The following LIMCH1 variants were observed in gnomAD, a reference collection of about 807,000 sequenced individuals.
LIMCH1 encodes LIM and calponin homology domains 1, also known as LIM and calponin homology domains-containing protein 1.
Under a neutral mutation model 176.5 loss-of-function variants are expected in LIMCH1, and 113 were observed. That is an observed-to-expected ratio of 0.64 (90% CI 0.55 to 0.75). LIMCH1 has a LOEUF of 0.75. Among genes scored for constraint, LIMCH1 ranks in the 30% least tolerant of loss-of-function variants. The pLI, the probability that LIMCH1 is intolerant of heterozygous loss-of-function variation, is 0.00. For synonymous variants in LIMCH1, 619 were observed against 645.9 expected (o/e 0.96, Z 0.63); for missense variants, 1,674 against 1,814.9 (o/e 0.92, Z 1.41).
rs544167930 is a variant in LIMCH1 at position 41,489,502 on chromosome 4, A to G, written c.97-5034A>G. ...GATATTGTCATATTCTTTCACTACAAAATACATTGTAATTTCTTTTTGATT... is the reference window on the plus strand; with the variant it reads ...GATATTGTCATATTCTTTCACTACAGAATACATTGTAATTTCTTTTTGATT... On this transcript the variant is annotated intron_variant, in intron 1 of 26. Coordinates refer to the LIMCH1 transcript ENST00000313860. Among the ~76,000 whole-genome samples, 8 of 152,220 alleles carry G rather than the reference A, an allele frequency of 5.3e-5. No individual in the cohort carries two copies. In the South Asian group the frequency reaches 1.7e-3, roughly 32 times the overall value.
chr4:41,486,876 G>C (rs1217210807), intron 1 of LIMCH1, among the ~76,000 whole-genome samples: 1 of 151,182 alleles, frequency 6.6e-6, no homozygotes, highest in Non-Finnish European at 1.5e-5. Context: ...CTGCCTCCTG[G>C]GTTCAAGTGA....
intron 15 of LIMCH1, among the ~76,000 whole-genome samples, chr4:41,645,638 G>C (rs2094022545): frequency 6.6e-6 from 1 of 152,126 alleles, no homozygotes; most frequent in African/African-American, 2.4e-5. Context: ...TTGTTGTAAG[G>C]ATCAGATGAA....
intron 1 of LIMCH1, among the ~76,000 whole-genome samples, chr4:41,390,120 G>A (rs892400200): frequency 3.3e-5 from 5 of 152,002 alleles, no homozygotes; most frequent in African/African-American, 9.7e-5. Flanking sequence ...CAAGTTCTAG[G>A]TGTCCCTTCC....
intron 21 of LIMCH1, 50 bp downstream of exon 21, chr4:41,666,716 T>C: frequency 1.7e-6 from 2 of 1,163,712 alleles, no homozygotes; most frequent in Non-Finnish European, 1.3e-6. Context: ...GGCCCATCTG[T>C]AGTAAACTAT....
At chr4:41,375,040 T>C (rs1044741285) in intron 1 of LIMCH1, among the ~76,000 whole-genome samples, 1 of 152,178 alleles carries the variant, frequency 6.6e-6, no homozygotes, top group African/African-American at 2.4e-5. Context: ...GTGAATTCCC[T>C]AGAGGAAAAT....
chr4:41,497,055 C>A (rs2072283061), intron 2 of LIMCH1, among the ~76,000 whole-genome samples: 1 of 152,196 alleles, frequency 6.6e-6, no homozygotes, highest in African/African-American at 2.4e-5. Context: ...TAGAATTGGG[C>A]TTTTTATAGT....
intron 2 of LIMCH1, among the ~76,000 whole-genome samples, chr4:41,511,474 T>C (rs2074918919): frequency 3.9e-5 from 6 of 152,222 alleles, no homozygotes; most frequent in Admixed American, 3.3e-4. Flanking sequence ...CCCTCATTTC[T>C]TGTTTGAAGG....
In LIMCH1 at chr4:41,612,950, C is replaced by G; in HGVS notation, c.10-516C>G. 3.9e-6 allele frequency: 6 copies of G among 1,532,106 alleles called. No individual in the cohort carries two copies. In the South Asian group the frequency reaches 7.4e-5, roughly 19 times the overall value. 94.9% of individuals were successfully genotyped at this position (1,532,106 alleles called of 1,614,324 possible). ...TAGCAGGAGATGAACGCGTGCTGCT[C>G]CAGGATTTTACAGAACTGATTCTGC... On this transcript the variant is annotated intron_variant, in intron 4 of 31. Coordinates refer to ENST00000503057, the MANE Select transcript of LIMCH1 (RefSeq NM_001330672.2).
intron 1 of LIMCH1, among the ~76,000 whole-genome samples, chr4:41,424,189 C>G (rs562379193): frequency 6.6e-6 from 1 of 152,314 alleles, no homozygotes; most frequent in South Asian, 2.1e-4. Flanking sequence ...CTCTCTTTCT[C>G]TCCCTGTGAA....
chr4:41,501,472 CA>C (rs1400206575), intron 2 of LIMCH1, among the ~76,000 whole-genome samples: 3 of 152,188 alleles, frequency 2.0e-5, no homozygotes, highest in Non-Finnish European at 4.4e-5. Flanking sequence ...ATGCTGAAAT[CA>C]AGAATTGATA....
intron 4 of LIMCH1, among the ~76,000 whole-genome samples, chr4:41,606,835 G>A (rs894214730): frequency 1.3e-5 from 2 of 152,122 alleles, no homozygotes; most frequent in African/African-American, 4.8e-5. Flanking sequence ...TTCTTGCTGT[G>A]TCGCCCAGGC....
In LIMCH1 at chr4:41,524,531, G is replaced by C. The variant is rs2076431640; in HGVS notation, c.237+53G>C. On this transcript the variant is annotated intron_variant, in intron 3 of 26. Transcript: ENST00000313860. ...TCCAATATTCCTTTGCTCTAACCTAGGGGTCATGACAGCACCATTTATTAC... is the reference window on the plus strand; with the variant it reads ...TCCAATATTCCTTTGCTCTAACCTACGGGTCATGACAGCACCATTTATTAC... The C allele has an allele frequency of 3.0e-6, 4 of 1,346,184 alleles. No homozygotes were observed. The East Asian group carries it at 9.2e-5, about 31-fold the overall frequency. The allele number at this position is 1,346,184 out of a possible 1,614,324, so 83.4% of individuals were successfully genotyped here.
chr4:41,622,534 AAGCTAATTC>A (rs1187827477), intron 7 of LIMCH1, among the ~76,000 whole-genome samples: 1 of 152,212 alleles, frequency 6.6e-6, no homozygotes, highest in Non-Finnish European at 1.5e-5. Context: ...GAGCGGCATT[AAGCTAATTC>A]AGCACACTCA....
At chr4:41,519,245 A>G (rs1450363699) in intron 2 of LIMCH1, among the ~76,000 whole-genome samples, 2 of 152,190 alleles carry the variant, frequency 1.3e-5, no homozygotes, top group Non-Finnish European at 2.9e-5. Context: ...ATACCCCACG[A>G]GGAGGAGACC....
At chr4:41,548,597 AT>A (rs1426441593) in intron 1 of LIMCH1, among the ~76,000 whole-genome samples, 1 of 152,160 alleles carries the variant, frequency 6.6e-6, no homozygotes, top group Admixed American at 6.5e-5. Flanking sequence ...CTATGATTAT[AT>A]TTTTAATTTA....
At chr4:41,673,699 A>C (rs141041799) in intron 22 of LIMCH1, among the ~76,000 whole-genome samples, 1 of 152,264 alleles carries the variant, frequency 6.6e-6, no homozygotes, top group Admixed American at 6.5e-5. Context: ...TCATTTATTC[A>C]ACAAACATTT....
At chr4:41,386,935 A>G (rs2056571549) in intron 1 of LIMCH1, among the ~76,000 whole-genome samples, 2 of 152,214 alleles carry the variant, frequency 1.3e-5, no homozygotes, top group Admixed American at 6.5e-5. Context: ...AGTAGCTGTT[A>G]TAGCTATATG....
upstream of LIMCH1, among the ~76,000 whole-genome samples, chr4:41,534,702 T>C (rs544389373): frequency 8.8e-6 from 1 of 114,036 alleles, no homozygotes; most frequent in Non-Finnish European, 2.1e-5. Context: ...GAAGACATAT[T>C]TTTTTTTTCT....
At chr4:41,621,443 C>T (rs1296872276) in intron 7 of LIMCH1, among the ~76,000 whole-genome samples, 1 of 151,802 alleles carries the variant, frequency 6.6e-6, no homozygotes, top group Non-Finnish European at 1.5e-5. Flanking sequence ...ATGTATTTTA[C>T]AAATTGACAT....
Sources: allele counts gnomAD v4.1 joint callset (sites outside exome capture counted in the v4.1 genomes callset), GRCh38; gene constraint gnomAD v4.1.1; transcripts MANE v1.5; gene names NCBI Gene and HGNC (gene_info 2026-07-23, HGNC 2026-07-21).